TRAPPC13: variants seen among roughly 807,000 people sequenced by gnomAD.
TRAPPC13 encodes trafficking protein particle complex subunit 13.
TRAPPC13 carries 39 observed loss-of-function variants against 54.0 expected under a neutral mutation model. That is an observed-to-expected ratio of 0.72 (90% confidence interval 0.56 to 0.94). The LOEUF is 0.94. Ranked by LOEUF, TRAPPC13 falls within the 40% of genes least tolerant of loss-of-function variation. The pLI is 0.00. For missense variants in TRAPPC13, 386 were observed against 488.1 expected, an observed-to-expected ratio of 0.79 and a Z score of 1.97; for synonymous variants, 148 against 167.7, an observed-to-expected ratio of 0.88 and a Z score of 0.91.
Position 65,664,714 on chromosome 5 carries a change from A to G in TRAPPC13, c.*103A>G. On this transcript the variant is annotated 3_prime_UTR_variant, in exon 13 of 13. Coordinates refer to ENST00000399438, the MANE Select transcript of TRAPPC13 (RefSeq NM_024941.4). ...CAACAACGAAGTAAATATGTTACTTAAATTTTCTTTCCTGTAAAATGGTTA... is the reference window on the plus strand; with the variant it reads ...CAACAACGAAGTAAATATGTTACTTGAATTTTCTTTCCTGTAAAATGGTTA... The G allele has an allele frequency of 1.3e-6, 1 of 795,442 alleles. No individual in the cohort carries two copies. Among genetic ancestry groups the G allele is most frequent in the Non-Finnish European group, 2.0e-6 (1 of 489,144 alleles). 49.3% of individuals were successfully genotyped at this position (795,442 alleles called of 1,614,324 possible). A position where few individuals can be genotyped will look rare whatever the true frequency, so the allele number is the denominator to read the frequency against.
Position 65,662,117 on chromosome 5 carries a change from C to T in TRAPPC13, c.965C>T (p.Pro322Leu), listed in dbSNP as rs1178443291. ...AIPDTVNLEE[P>L]FHITCKITNC... Reference sequence around the variant, plus strand: ...CCAGATACCGTAAACCTTGAAGAACCTTTTCATATTACCTGTAAAATAACA... The same window carrying T: ...CCAGATACCGTAAACCTTGAAGAACTTTTTCATATTACCTGTAAAATAACA... Residue 322 changes from proline to leucine, a missense_variant, in exon 11 of 13, where the codon CCT becomes CTT. Transcript: ENST00000399438. 1 of 1,607,976 alleles carries T rather than the reference C, an allele frequency of 6.2e-7. No individual in the cohort carries two copies. Among genetic ancestry groups the T allele is most frequent in the Non-Finnish European group, 8.5e-7 (1 of 1,177,260 alleles).
rs567751283 is a variant in TRAPPC13, at chr5:65,626,591, C to T, written c.46+1485C>T. 2.6e-5 allele frequency among the ~76,000 whole-genome samples: 4 copies of T among 152,168 alleles called. No homozygotes were observed. In the South Asian group the frequency reaches 6.2e-4, roughly 24 times the overall value. On this transcript the variant is annotated intron_variant, in intron 1 of 12. Transcript: ENST00000399438. ...TCTCTATAAAAATACAAAAAGTTAG[C>T]CAGGCGTGGTGGCGGGCGCCTGTAG...
At chr5:65,651,902 C>A (rs1475354608) in intron 6 of TRAPPC13, among the ~76,000 whole-genome samples, 1 of 99,908 alleles carries the variant, frequency 1.0e-5, no homozygotes, top group Admixed American at 1.7e-4. Context: ...TCACTCTTGT[C>A]GCCTAGGCTG....
Position 65,660,913 on chromosome 5 carries a change from A to T in TRAPPC13, c.897+16A>T. The T allele has an allele frequency of 6.3e-7, 1 of 1,592,400 alleles. No individual in the cohort carries two copies. The highest frequency in any genetic ancestry group is 8.5e-7 in the Non-Finnish European group (1 of 1,169,754). ...TCAAAGAATGGTGAGTCTGGAAAAA[A>T]CTTCGCTGGGGTTTTGGTGTGTGAA... On this transcript the variant is annotated intron_variant, in intron 10 of 12. Transcript: ENST00000399438.
At chr5:65,634,229 C>A (rs528119407) in intron 1 of TRAPPC13, among the ~76,000 whole-genome samples, 8 of 152,220 alleles carry the variant, frequency 5.3e-5, no homozygotes, top group African/African-American at 1.9e-4. Context: ...TCGTGATCCG[C>A]CCGCCTTGGC....
intron 7 of TRAPPC13, among the ~76,000 whole-genome samples, chr5:65,653,904 A>T (rs1379326857): frequency 6.6e-6 from 1 of 152,204 alleles, no homozygotes; most frequent in Non-Finnish European, 1.5e-5. Context: ...TAATTACAGT[A>T]TAGCTAGTCA....
rs777627219 is a variant in TRAPPC13, at chr5:65,664,532, C to A, written c.1175C>A (p.Thr392Lys). Residue 392 changes from threonine to lysine, a missense_variant, in exon 13 of 13, where the codon ACA (threonine) becomes AAA (lysine). Physicochemically the swap from Thr to Lys is moderately conservative, Grantham distance 78. Transcript: ENST00000399438. ...QSISGLRLTD[T>K]FLKRTYEYDD... ...ATCTCTGGCTTAAGACTAACAGACA[C>A]ATTCTTAAAGAGAACATATGAATAT... is the stretch of plus-strand genomic sequence containing the variant. The A allele has an allele frequency of 2.5e-6, 4 of 1,611,382 alleles. No homozygotes were observed. The Admixed American group carries it at 5.1e-5, about 20-fold the overall frequency.
At chr5:65,625,199 C>T in intron 1 of TRAPPC13, 93 bp downstream of exon 1, 1 of 1,066,628 alleles carries the variant, frequency 9.4e-7, no homozygotes, top group Non-Finnish European at 1.5e-6. Flanking sequence ...CCTTCTTAAA[C>T]ACTCAGTGCT....
chr5:65,637,646 G>GAA, intron 3 of TRAPPC13, 50 bp from the exon 4 acceptor site: 2 of 907,738 alleles, frequency 2.2e-6, no homozygotes, highest in Non-Finnish European at 3.2e-6. Flanking sequence ...AAAAAAAAAA[G>GAA]AAAAAAAACC....
chr5:65,655,685 C>T (rs1756625948), intron 8 of TRAPPC13, 32 bp downstream of exon 8: 2 of 811,038 alleles, frequency 2.5e-6, no homozygotes, highest in Non-Finnish European at 3.4e-6. Context: ...AATTTTTATA[C>T]TTTTCTTACT....
At position 65,625,078 on chromosome 5, in the gene TRAPPC13, T is replaced by TA; in HGVS notation, c.21dup (p.Gln8ThrfsTer14). On this transcript the variant is annotated frameshift_variant, in exon 1 of 13. Coordinates refer to ENST00000399438, the MANE Select transcript of TRAPPC13 (RefSeq NM_024941.4). LOFTEE classifies it high-confidence loss of function. ...CGGTCAAAATGGAAGTGAATCCCCC[T>TA]AAACAGGAGCACCTGCTGGCGCTAA... 1 of 1,613,844 alleles carries TA rather than the reference T, an allele frequency of 6.2e-7. No homozygotes were observed. The highest frequency in any genetic ancestry group is 8.5e-7 in the Non-Finnish European group (1 of 1,179,796).
intron 4 of TRAPPC13, among the ~76,000 whole-genome samples, chr5:65,642,903 A>C (rs977927802): frequency 6.6e-6 from 1 of 152,212 alleles, no homozygotes; most frequent in African/African-American, 2.4e-5. Context: ...AATAAATTAA[A>C]AATTAAAAAT....
chr5:65,635,542 T>G (rs1403044536), intron 2 of TRAPPC13, among the ~76,000 whole-genome samples, 173 bp downstream of exon 2: 1 of 152,250 alleles, frequency 6.6e-6, no homozygotes, highest in Non-Finnish European at 1.5e-5. Flanking sequence ...CAGGCCTTAC[T>G]TATACTCTAC....
intron 1 of TRAPPC13, 127 bp downstream of exon 1, chr5:65,625,233 C>A: frequency 1.2e-6 from 1 of 828,526 alleles, no homozygotes. Context: ...TGTCCTTTGC[C>A]GCCAAGCGGG....
In TRAPPC13 at chr5:65,645,002, GC is replaced by G. The variant is rs1284660294; in HGVS notation, c.301-2051del. Among the ~76,000 whole-genome samples the G allele has an allele frequency of 6.6e-5, 10 of 151,822 alleles. No homozygotes were observed. The East Asian group carries it at 1.9e-3, about 29-fold the overall frequency. Reference sequence around the variant, plus strand: ...ACCTGAGGCCAGGAGTTCAAGACCAGCCTGGCCAACATGGTGAAACCCCATC... The same window carrying G: ...ACCTGAGGCCAGGAGTTCAAGACCAGCTGGCCAACATGGTGAAACCCCATC... On this transcript the variant is annotated intron_variant, in intron 4 of 12. Coordinates refer to ENST00000399438, the MANE Select transcript of TRAPPC13 (RefSeq NM_024941.4).
At chr5:65,646,959 T>G in intron 4 of TRAPPC13, 96 bp from the exon 5 acceptor site, 10 of 1,174,682 alleles carry the variant, frequency 8.5e-6, no homozygotes, top group Non-Finnish European at 1.2e-5. Flanking sequence ...TCTTTCCTAA[T>G]TCTTATTCCC....
At position 65,629,968 on chromosome 5, in the gene TRAPPC13, C is replaced by T. The variant is rs78814996; in HGVS notation, c.46+4862C>T. 156 of 1,535,990 alleles carry T rather than the reference C, an allele frequency of 1.0e-4. No homozygotes were observed. In the African/African-American group the frequency reaches 2.0e-3, roughly 20 times the overall value. On this transcript the variant is annotated intron_variant, in intron 1 of 12. Coordinates refer to ENST00000399438, the MANE Select transcript of TRAPPC13 (RefSeq NM_024941.4). ...AACAATCAGAAAAGGGAAAACAGCA[C>T]AAGAGGAGATCTTGGAGTATTTCCC...
chr5:65,626,703 G>A (rs577014614), intron 1 of TRAPPC13, among the ~76,000 whole-genome samples: 1 of 151,944 alleles, frequency 6.6e-6, no homozygotes, highest in South Asian at 2.1e-4. Context: ...GCCACTGCAC[G>A]CCATCCTAGG....
chr5:65,635,160 A>C (rs1755701754), intron 1 of TRAPPC13, 141 bp from the exon 2 acceptor site: 1 of 723,760 alleles, frequency 1.4e-6, no homozygotes, highest in African/African-American at 1.8e-5. Flanking sequence ...AACCTTAGGA[A>C]GTATGTAGTA....
Sources: gnomAD v4.1 joint callset for allele counts (sites outside exome capture counted in the v4.1 genomes callset) on GRCh38, gnomAD v4.1.1 for gene constraint, MANE v1.5 for transcripts, NCBI Gene and HGNC (gene_info 2026-07-23, HGNC 2026-07-21) for gene names.